Variants in ATR observed in about 807,000 individuals in gnomAD.
The protein encoded by ATR is serine/threonine-protein kinase ATR.
Under a neutral mutation model 305.3 loss-of-function variants are expected in ATR, and 142 were observed. That is an observed-to-expected ratio of 0.47 (90% CI 0.41 to 0.53). The LOEUF (loss-of-function observed/expected upper bound fraction) is 0.53, where lower values mean the gene tolerates loss of function less well. ATR is among the 20% of genes least tolerant of loss of function. The pLI is 0.00. For synonymous variants in ATR, 1,050 were observed against 1,068.1 expected, an observed-to-expected ratio of 0.98 and a Z score of 0.33; for missense variants, 2,135 against 3,133.1, an observed-to-expected ratio of 0.68 and a Z score of 7.60.
chr3:142,476,510 C>T (rs1027146266), intron 36 of ATR, among the ~76,000 whole-genome samples: 6 of 151,958 alleles, frequency 3.9e-5, no homozygotes, highest in South Asian at 4.2e-4. Flanking sequence ...TGTAGTATAG[C>T]TTGAAGTCAG....
chr3:142,556,141 TG>T lies in ATR; in HGVS notation c.2079-3del. On this transcript the variant is annotated splice_region_variant and splice_polypyrimidine_tract_variant and intron_variant, in intron 9 of 46. Transcript: ENST00000350721. Reference sequence around the variant, plus strand: ...TCAGAATCATCTTTGACTTTATCTCTGGGGAAAAAAAAGAAAAAGTACTAAA... The same window carrying T: ...TCAGAATCATCTTTGACTTTATCTCTGGGAAAAAAAAGAAAAAGTACTAAA... The T allele has an allele frequency of 6.2e-7, 1 of 1,611,752 alleles. No individual in the cohort carries two copies. Among genetic ancestry groups the T allele is most frequent in the Non-Finnish European group, 8.5e-7 (1 of 1,179,292 alleles).
rs2033060451 is a variant in ATR at position 142,519,708 on chromosome 3, T to C, written c.4343A>G (p.Glu1448Gly). The C allele has an allele frequency of 6.2e-7, 1 of 1,614,052 alleles. No individual in the cohort carries two copies. The highest frequency in any genetic ancestry group is 8.5e-7 in the Non-Finnish European group (1 of 1,179,914). Residue 1448 changes from glutamate (E) to glycine (G), a missense_variant, in exon 24 of 47, where the codon GAG (glutamate) becomes GGG (glycine). Physicochemically the swap from Glu to Gly is moderately conservative, Grantham distance 98. Transcript: ENST00000350721. Reference protein sequence around the residue: ...PGHQLWRRFPEHVREILEPHL... With the variant: ...PGHQLWRRFPGHVREILEPHL... ...AGGTTCTAGTATTTCCCGAACATGC[T>C]CAGGAAATCTCCTCCACAATTGGTG...
Position 142,456,956 on chromosome 3 carries a change from T to A in ATR, c.7655+648A>T, listed in dbSNP as rs369550872. On this transcript the variant is annotated intron_variant, in intron 45 of 46. Transcript: ENST00000350721. ...GACCCAGCAATTCCACTCCCAGGTA[T>A]ACACAAGAGAACTGAAAACATATGT... Among the ~76,000 whole-genome samples, 8 of 152,194 alleles carry A rather than the reference T, an allele frequency of 5.3e-5. No homozygotes were observed. In the East Asian group the frequency reaches 7.7e-4, roughly 15 times the overall value.
intron 45 of ATR, 121 bp from the exon 46 acceptor site, chr3:142,453,354 C>T (rs1006107815): frequency 4.8e-5 from 59 of 1,237,858 alleles, no homozygotes; most frequent in Middle Eastern, 5.0e-4. Flanking sequence ...CACATTACTA[C>T]GTCTTCATTA....
At chr3:142,465,514 G>C (rs2071108602) in intron 40 of ATR, 1 of 203,982 alleles carries the variant, frequency 4.9e-6, no homozygotes, top group Non-Finnish European at 9.7e-6. Flanking sequence ...TTCAAATTTA[G>C]ACACCCCCCT....
intron 19 of ATR, 86 bp from the exon 20 acceptor site, chr3:142,536,287 A>G (rs963389985): frequency 1.3e-5 from 12 of 936,004 alleles, no homozygotes; most frequent in Non-Finnish European, 2.1e-5. Flanking sequence ...ACTAAGGCCA[A>G]TTTAATTCAT....
intron 46 of ATR, chr3:142,451,835 C>T (rs2070798040): frequency 1.5e-6 from 2 of 1,301,520 alleles, no homozygotes; most frequent in African/African-American, 3.0e-5. Flanking sequence ...CCTGCTAGAG[C>T]TCTTTCAGCT....
intron 2 of ATR, among the ~76,000 whole-genome samples, chr3:142,567,703 A>G (rs1288893123): frequency 6.6e-6 from 1 of 152,174 alleles, no homozygotes; most frequent in East Asian, 1.9e-4. Context: ...TTACTTAAAG[A>G]GGTTTTTTTG....
chr3:142,575,430 G>A (rs1452183607), intron 1 of ATR, among the ~76,000 whole-genome samples: 1 of 148,486 alleles, frequency 6.7e-6, no homozygotes, highest in South Asian at 2.1e-4. Flanking sequence ...GTTGCAGTGA[G>A]CAGAGATCAC....
chr3:142,495,540 C>T (rs184244548), intron 34 of ATR, among the ~76,000 whole-genome samples: 36 of 152,044 alleles, frequency 2.4e-4, no homozygotes, highest in Admixed American at 7.2e-4. Context: ...GTCAGGAGAT[C>T]GAGACCACCC....
chr3:142,508,225 G>A (rs2032357183), intron 27 of ATR, 116 bp from the exon 28 acceptor site: 1 of 842,750 alleles, frequency 1.2e-6, no homozygotes, highest in Non-Finnish European at 1.8e-6. Flanking sequence ...AATATATTAG[G>A]ATATCATATT....
intron 16 of ATR, among the ~76,000 whole-genome samples, chr3:142,547,456 AAT>A (rs971191101): frequency 6.6e-6 from 1 of 152,234 alleles, no homozygotes; most frequent in Non-Finnish European, 1.5e-5. Flanking sequence ...TTTCAATGCT[AAT>A]ATATGTTGTT....
At chr3:142,482,422 G>A (rs2030574076) in intron 36 of ATR, among the ~76,000 whole-genome samples, 1 of 152,146 alleles carries the variant, frequency 6.6e-6, no homozygotes, top group African/African-American at 2.4e-5. Flanking sequence ...TATGCATATA[G>A]AGGACTTTAT....
At chr3:142,493,399 C>A in intron 34 of ATR, 88 bp from the exon 35 acceptor site, 1 of 1,358,818 alleles carries the variant, frequency 7.4e-7, no homozygotes. Context: ...TGTTTTTGTA[C>A]AAATCCATTT....
chr3:142,449,398 T>C lies in ATR; in HGVS notation c.*31A>G. ...TCATACCAAATGCATTACTTTTAGATTATTAACATATTCTTTTACATAATT... is the reference window on the plus strand; with the variant it reads ...TCATACCAAATGCATTACTTTTAGACTATTAACATATTCTTTTACATAATT... On this transcript the variant is annotated 3_prime_UTR_variant, in exon 47 of 47. Transcript: ENST00000350721. 1 of 1,562,562 alleles carries C rather than the reference T, an allele frequency of 6.4e-7. No homozygotes were observed. Among genetic ancestry groups the C allele is most frequent in the South Asian group, 1.1e-5 (1 of 89,902 alleles).
Position 142,549,471 on chromosome 3 carries a change from T to G in ATR, c.3171+8A>C. 1 of 1,536,302 alleles carries G rather than the reference T, an allele frequency of 6.5e-7. No individual in the cohort carries two copies. The highest frequency in any genetic ancestry group is 8.8e-7 in the Non-Finnish European group (1 of 1,136,630). ...AAAAAAGTAAAATATATAGAAATAT[T>G]CAATTACCTTCAGATAATGAAGGGC... On this transcript the variant is annotated splice_region_variant and intron_variant, in intron 15 of 46. Coordinates refer to ENST00000350721, the MANE Select transcript of ATR (RefSeq NM_001184.4).
chr3:142,500,301 A>G (rs960207530), intron 30 of ATR, among the ~76,000 whole-genome samples: 24 of 152,200 alleles, frequency 1.6e-4, no homozygotes, highest in African/African-American at 5.5e-4. Context: ...AACTACTTTC[A>G]GTTAGTTTAA....
intron 22 of ATR, 127 bp from the exon 23 acceptor site, chr3:142,522,968 C>T: frequency 1.3e-6 from 1 of 754,774 alleles, no homozygotes; most frequent in Non-Finnish European, 2.3e-6. Context: ...AAGGAAAAGA[C>T]AGTGAGGTTC....
In ATR at chr3:142,509,313, G is replaced by A. The variant is rs184945642; in HGVS notation, c.4853-1204C>T. 3.9e-5 allele frequency among the ~76,000 whole-genome samples: 6 copies of A among 152,018 alleles called. No homozygotes were observed. The East Asian group carries it at 1.2e-3, about 29-fold the overall frequency. ...CGAGTAGCTGGGACCATAGGCATGT[G>A]CCACCACGCCTGGCCAAGTTTTGTA... On this transcript the variant is annotated intron_variant, in intron 27 of 46. Transcript: ENST00000350721.
Sources: allele counts gnomAD v4.1 joint callset (sites outside exome capture counted in the v4.1 genomes callset), GRCh38; gene constraint gnomAD v4.1.1; transcripts MANE v1.5; gene names NCBI Gene and HGNC (gene_info 2026-07-23, HGNC 2026-07-21).